The following RBFOX1 variants were observed in gnomAD, a reference collection of about 807,000 sequenced individuals.
The protein encoded by RBFOX1 is RNA binding protein fox-1 homolog 1.
RBFOX1 carries 8 observed loss-of-function variants against 57.7 expected under a neutral mutation model. The observed-to-expected ratio is 0.14, with a 90% CI of 0.08 to 0.25. RBFOX1 has a LOEUF of 0.25. Ranked by LOEUF, RBFOX1 falls within the 10% of genes least tolerant of loss-of-function variation. The pLI, the probability that RBFOX1 is intolerant of heterozygous loss-of-function variation, is 1.00. For missense variants in RBFOX1, 611 were observed against 548.5 expected, an observed-to-expected ratio of 1.11 and a Z score of -1.14; for synonymous variants, 326 against 222.4, an observed-to-expected ratio of 1.47 and a Z score of -4.15.
intron 1 of RBFOX1, among the ~76,000 whole-genome samples, chr16:5,465,066 TGG>T (rs1012717777): frequency 6.6e-6 from 1 of 152,156 alleles, no homozygotes; most frequent in African/African-American, 2.4e-5. Flanking sequence ...CATATCTGCC[TGG>T]GTGTGTGTGT....
rs1555484718 is a variant in RBFOX1 at position 6,457,439 on chromosome 16, C to CCCCCA, written c.-64+140386_-64+140387insACCCC. 5.9e-5 allele frequency among the ~76,000 whole-genome samples: 2 copies of CCCCCA among 33,966 alleles called. 1 individual carries two copies. The highest frequency in any genetic ancestry group is 1.1e-4 in the Non-Finnish European group (2 of 17,500). 22.3% of individuals were successfully genotyped at this position (33,966 alleles called of 152,430 possible). A position where few individuals can be genotyped will look rare whatever the true frequency, so the allele number is the denominator to read the frequency against. On this transcript the variant is annotated intron_variant, in intron 2 of 15. Transcript: ENST00000550418. ...CTGGTGACTGTGAATTTCCGGAAGT[C>CCCCCA]CCCCCCCCCGCAATAGCTTTGATTT...
intron 3 of RBFOX1, among the ~76,000 whole-genome samples, chr16:5,778,364 A>G (rs538474787): frequency 1.8e-4 from 28 of 152,278 alleles, no homozygotes; most frequent in Middle Eastern, 3.4e-3. Flanking sequence ...CGACCTGGCT[A>G]GTTCTCTGAT....
At chr16:5,594,052 C>T (rs1283869026) in intron 2 of RBFOX1, among the ~76,000 whole-genome samples, 1 of 151,942 alleles carries the variant, frequency 6.6e-6, no homozygotes, top group Non-Finnish European at 1.5e-5. Context: ...TGGCTTGGAG[C>T]TTTGCACAAT....
intron 2 of RBFOX1, among the ~76,000 whole-genome samples, chr16:5,573,424 G>T (rs1050726005): frequency 6.6e-6 from 1 of 152,142 alleles, no homozygotes; most frequent in East Asian, 1.9e-4. Context: ...CAGATTCCTG[G>T]ACCCCCACCT....
chr16:7,447,291 G>C (rs1020410711), intron 4 of RBFOX1, among the ~76,000 whole-genome samples: 3 of 151,980 alleles, frequency 2.0e-5, no homozygotes, highest in African/African-American at 7.2e-5. Flanking sequence ...AAATTAGCCA[G>C]CTGTGGTGGC....
rs376779402 is a variant in RBFOX1 at position 7,340,072 on chromosome 16, C to T, written c.28-178075C>T. Among the ~76,000 whole-genome samples, 12 of 152,346 alleles carry T rather than the reference C, an allele frequency of 7.9e-5. No individual in the cohort carries two copies. In the East Asian group the frequency reaches 1.7e-3, roughly 22 times the overall value. On this transcript the variant is annotated intron_variant, in intron 4 of 15. Coordinates refer to ENST00000550418, the MANE Select transcript of RBFOX1 (RefSeq NM_018723.4). ...GGTAGATCTTATAGTCCATGCACAT[C>T]TCCAAATCAATCATCTAATCTCTGG...
chr16:6,483,126 C>T (rs1052489405), intron 2 of RBFOX1: 2 of 1,042,344 alleles, frequency 1.9e-6, no homozygotes, highest in Admixed American at 5.9e-5. Context: ...TATCCACTGC[C>T]TTCCCCCAGC....
chr16:6,978,682 G>C (rs79252601), intron 3 of RBFOX1, among the ~76,000 whole-genome samples: 10,592 of 152,240 alleles, frequency 0.07, 436 homozygotes, highest in South Asian at 0.18. Flanking sequence ...CGACTTGGAA[G>C]CTGAGGTTTT....
intron 2 of RBFOX1, among the ~76,000 whole-genome samples, chr16:6,496,085 A>G (rs1302758509): frequency 6.6e-6 from 1 of 152,234 alleles, no homozygotes; most frequent in Non-Finnish European, 1.5e-5. Context: ...AAATGTTAAC[A>G]AGAAAGATAT....
intron 1 of RBFOX1, among the ~76,000 whole-genome samples, chr16:6,127,563 G>A (rs1438949032): frequency 6.6e-5 from 10 of 152,160 alleles, no homozygotes; most frequent in Non-Finnish European, 1.3e-4. Context: ...TGCAGGTTAG[G>A]TGGTGGTAAG....
chr16:7,360,487 A>G (rs1234716286), intron 4 of RBFOX1, among the ~76,000 whole-genome samples: 2 of 152,166 alleles, frequency 1.3e-5, no homozygotes, highest in Admixed American at 6.5e-5. Flanking sequence ...AAAAACTCAC[A>G]TAACCCATCC....
intron 3 of RBFOX1, among the ~76,000 whole-genome samples, chr16:6,942,760 G>T (rs370680582): frequency 6.6e-6 from 1 of 152,152 alleles, no homozygotes; most frequent in African/African-American, 2.4e-5. Context: ...TCACAAGCAG[G>T]TAAAAAATAA....
At chr16:6,069,640 G>T (rs1410295149) in intron 1 of RBFOX1, among the ~76,000 whole-genome samples, 1 of 152,132 alleles carries the variant, frequency 6.6e-6, no homozygotes, top group Non-Finnish European at 1.5e-5. Context: ...GGAAGTAACA[G>T]AACATTTCAC....
At chr16:6,560,673 A>T (rs76809884) in intron 2 of RBFOX1, among the ~76,000 whole-genome samples, 1 of 152,192 alleles carries the variant, frequency 6.6e-6, no homozygotes, top group African/African-American at 2.4e-5. Context: ...TTACATTTCA[A>T]ATGAATAATT....
intron 4 of RBFOX1, among the ~76,000 whole-genome samples, chr16:7,468,429 C>A (rs918328807): frequency 6.6e-6 from 1 of 151,524 alleles, no homozygotes; most frequent in South Asian, 2.1e-4. Context: ...ACTCAACATG[C>A]CGCTTATTTT....
At chr16:6,065,625 C>T (rs765396447) in intron 1 of RBFOX1, among the ~76,000 whole-genome samples, 4 of 152,140 alleles carry the variant, frequency 2.6e-5, no homozygotes, top group Non-Finnish European at 5.9e-5. Context: ...CTGGATTTCA[C>T]GAACCTCCAA....
intron 1 of RBFOX1, among the ~76,000 whole-genome samples, chr16:6,110,648 G>C (rs913416530): frequency 1.3e-5 from 2 of 152,164 alleles, no homozygotes; most frequent in Admixed American, 1.3e-4. Context: ...CTCCACGAGT[G>C]GCATGAAATA....
chr16:7,667,033 C>G lies in RBFOX1; in HGVS notation c.930+2065C>G, dbSNP rs531606845. Reference sequence around the variant, plus strand: ...CAGCCAGAAATTATCGTTTTCCCCACTCTTTATATTATAATGACAATAAGA... The same window carrying G: ...CAGCCAGAAATTATCGTTTTCCCCAGTCTTTATATTATAATGACAATAAGA... On this transcript the variant is annotated intron_variant, in intron 13 of 15. Transcript: ENST00000550418. Among the ~76,000 whole-genome samples the G allele has an allele frequency of 3.2e-4, 48 of 152,330 alleles. 1 individual carries two copies. The Middle Eastern group carries it at 0.014, about 43-fold the overall frequency.
intron 3 of RBFOX1, among the ~76,000 whole-genome samples, chr16:6,733,796 G>A (rs946509004): frequency 6.6e-6 from 1 of 152,152 alleles, no homozygotes; most frequent in Non-Finnish European, 1.5e-5. Flanking sequence ...ACAAAGCTGG[G>A]TTCTACTACC....
Sources: gnomAD v4.1 joint callset for allele counts (sites outside exome capture counted in the v4.1 genomes callset) on GRCh38, gnomAD v4.1.1 for gene constraint, MANE v1.5 for transcripts, NCBI Gene and HGNC (gene_info 2026-07-23, HGNC 2026-07-21) for gene names.